NSUN4: variants seen among roughly 807,000 people sequenced by gnomAD.
NSUN4 encodes 5-cytosine rRNA methyltransferase NSUN4.
Under a neutral mutation model 43.8 loss-of-function variants are expected in NSUN4, and 31 were observed. The observed-to-expected ratio is 0.71, with a 90% CI of 0.53 to 0.96. The LOEUF (loss-of-function observed/expected upper bound fraction) is 0.96, where lower values mean the gene tolerates loss of function less well. NSUN4 is among the 40% of genes least tolerant of loss of function. The pLI is 0.00. For synonymous variants in NSUN4, 167 were observed against 184.1 expected (o/e 0.91, Z 0.75); for missense variants, 439 against 475.6 (o/e 0.92, Z 0.72).
chr1:46,379,635 C>G, the NSUN4 span, among the ~76,000 whole-genome samples: 1 of 152,048 alleles, frequency 6.6e-6, no homozygotes, highest in African/African-American at 2.4e-5. Context: ...AACCAACCAA[C>G]CAAACAACAA....
intron 1 of NSUN4, chr1:46,343,878 C>T: frequency 5.0e-6 from 2 of 400,076 alleles, no homozygotes. Flanking sequence ...CCCAACATAG[C>T]AGGAGCCAGA....
At chr1:46,366,348 G>T (rs1388242354), downstream of NSUN4, among the ~76,000 whole-genome samples, 5 of 152,106 alleles carry the variant, frequency 3.3e-5, no homozygotes, top group African/African-American at 9.7e-5. Context: ...GAGGTAGGGG[G>T]ATAGGATGGG....
rs751090713 is a variant in NSUN4, at chr1:46,360,773, C to T, written c.823C>T (p.Arg275Trp). 6.8e-6 allele frequency: 11 copies of T among 1,613,922 alleles called. No individual in the cohort carries two copies. Among genetic ancestry groups the T allele is most frequent in the African/African-American group, 2.7e-5 (2 of 75,046 alleles). Residue 275 changes from arginine to tryptophan, a missense_variant, in exon 5 of 6, where the codon CGG becomes TGG. Coordinates refer to ENST00000474844, the MANE Select transcript of NSUN4 (RefSeq NM_199044.4). Reference sequence around the variant, plus strand: ...TGAGGAGGAGAACAACATCTTTAAGCGGTCAAGGAAGAAGGAGCGACAGAT... The same window carrying T: ...TGAGGAGGAGAACAACATCTTTAAGTGGTCAAGGAAGAAGGAGCGACAGAT... ...LHEEENNIFK[R>W]SRKKERQILP... is the part of the protein sequence containing the mutation.
At position 46,345,019 on chromosome 1, in the gene NSUN4, C is replaced by T. The variant is rs1662385121; in HGVS notation, c.312C>T (p.Ser104=). 2 of 1,614,048 alleles carry T rather than the reference C, an allele frequency of 1.2e-6. No individual in the cohort carries two copies. The highest frequency in any genetic ancestry group is 1.1e-5 in the South Asian group (1 of 91,094). The stretch of plus-strand genomic sequence containing the variant: ...AGGATTTTGTGAATGAAGCCATCTC[C>T]CACTGGGAACTGCAGTCTGAGGGTG... The part of the protein sequence containing the change: ...SAKDFVNEAI[S]HWELQSEGGQ... Residue 104 remains serine (S), a synonymous_variant, in exon 2 of 6, where the codon TCC becomes TCT. Transcript: ENST00000474844.
intron 3 of NSUN4, among the ~76,000 whole-genome samples, chr1:46,351,785 C>T (rs1013442828): frequency 1.3e-5 from 2 of 151,154 alleles, no homozygotes; most frequent in Non-Finnish European, 2.9e-5. Flanking sequence ...CTGCCTCAGC[C>T]TCCCGAGTAG....
chr1:46,362,662 C>A lies in NSUN4; in HGVS notation c.*816C>A, dbSNP rs1181345856. ...GTGGGAGATTACTGGGCTTCCTCAT[C>A]CTTTAGAATGGTAACTCTCCTTTTG... On this transcript the variant is annotated 3_prime_UTR_variant, in exon 6 of 6. Transcript: ENST00000474844. The A allele has an allele frequency of 1.3e-5, 2 of 152,164 alleles. No homozygotes were observed. The highest frequency in any genetic ancestry group is 2.9e-5 in the Non-Finnish European group (2 of 68,040). The allele number at this position is 152,164 out of a possible 1,614,324, so 9.4% of individuals were successfully genotyped here.
chr1:46,349,725 G>A (rs1662842342), intron 3 of NSUN4, among the ~76,000 whole-genome samples: 1 of 152,220 alleles, frequency 6.6e-6, no homozygotes, highest in African/African-American at 2.4e-5. Context: ...CCTTCTGGAA[G>A]TCCAGAGGGA....
At chr1:46,360,878 A>AGACTGGGG in intron 5 of NSUN4, 50 bp downstream of exon 5, 2 of 1,604,178 alleles carry the variant, frequency 1.2e-6, no homozygotes, top group Non-Finnish European at 1.7e-6. Context: ...GTGCTCTGGG[A>AGACTGGGG]GACTGGGGGA....
rs116222578 is a variant in NSUN4, at chr1:46,361,000, A to G, written c.878+172A>G. Among the ~76,000 whole-genome samples, 805 of 152,276 alleles carry G rather than the reference A, an allele frequency of 5.3e-3. 9 individuals carry two copies. The highest frequency in any genetic ancestry group is 0.018 in the African/African-American group (765 of 41,550). ...GGAACATAAAAACCCTATTTGAATT[A>G]GCTGGGTGTGGAGATGCACACCTGT... On this transcript the variant is annotated intron_variant, in intron 5 of 5. Transcript: ENST00000474844.
At chr1:46,348,709 CAAAAAAAAAAAAAA>C (rs34999763) in intron 3 of NSUN4, among the ~76,000 whole-genome samples, 9 of 52,140 alleles carry the variant, frequency 1.7e-4, no homozygotes, top group African/African-American at 6.4e-4. Flanking sequence ...AACTCTGTCT[CAAAAAAAAAAAAAA>C]AAAAAAAAAA....
the NSUN4 span, among the ~76,000 whole-genome samples, chr1:46,373,998 G>A: frequency 1.3e-5 from 2 of 152,080 alleles, no homozygotes; most frequent in Non-Finnish European, 2.9e-5. Flanking sequence ...ATAATTTTAA[G>A]AGATCTAGCC....
rs1416502557 is a variant in NSUN4 at position 46,363,171 on chromosome 1, T to C, written c.*1325T>C. ...GTGTCAGTTGAGGAGGGACTTTAGCTGAGGTTAAGCCTTCTTTTGGGATTT... is the reference window on the plus strand; with the variant it reads ...GTGTCAGTTGAGGAGGGACTTTAGCCGAGGTTAAGCCTTCTTTTGGGATTT... On this transcript the variant is annotated 3_prime_UTR_variant, in exon 6 of 6. Coordinates refer to ENST00000474844, the MANE Select transcript of NSUN4 (RefSeq NM_199044.4). 6.6e-6 allele frequency: 1 copy of C among 152,194 alleles called. No individual in the cohort carries two copies. The highest frequency in any genetic ancestry group is 2.4e-5 in the African/African-American group (1 of 41,434). 9.4% of individuals were successfully genotyped at this position (152,194 alleles called of 1,614,324 possible).
the NSUN4 span, among the ~76,000 whole-genome samples, chr1:46,381,151 C>T: frequency 6.6e-6 from 1 of 152,176 alleles, no homozygotes; most frequent in Admixed American, 6.5e-5. Flanking sequence ...GTCCAAGGGC[C>T]CAGAATCCAA....
At chr1:46,353,600 C>T (rs1303570858) in intron 4 of NSUN4, among the ~76,000 whole-genome samples, 5 of 152,088 alleles carry the variant, frequency 3.3e-5, no homozygotes, top group Admixed American at 6.6e-5. Flanking sequence ...CTCAGCCTCC[C>T]GAGTAGCTGG....
At chr1:46,349,341 C>T (rs5013328) in intron 3 of NSUN4, among the ~76,000 whole-genome samples, 39,428 of 151,538 alleles carry the variant, frequency 0.26, 5,379 homozygotes, top group East Asian at 0.33. Context: ...AGGGTTTCAC[C>T]GTGTTAGCCA....
At chr1:46,352,745 T>C (rs77185326) in intron 3 of NSUN4, 123 bp from the exon 4 acceptor site, 207,422 of 891,136 alleles carry the variant, frequency 0.23, 27,045 homozygotes, top group Non-Finnish European at 0.28. Flanking sequence ...ACATAATAAA[T>C]GTTCCTGATG....
chr1:46,360,933 G>C, intron 5 of NSUN4, 105 bp downstream of exon 5: 1 of 1,284,332 alleles, frequency 7.8e-7, no homozygotes, highest in Non-Finnish European at 1.1e-6. Context: ...GAATCTTATG[G>C]CTGGAGATCT....
chr1:46,342,569 C>T (rs1662190157), intron 1 of NSUN4: 1 of 399,440 alleles, frequency 2.5e-6, no homozygotes, highest in African/African-American at 2.1e-5. Flanking sequence ...ACTCTTACCT[C>T]ATCCTAACCC....
intron 1 of NSUN4, chr1:46,342,083 T>C (rs1662155370): frequency 1.7e-6 from 1 of 596,840 alleles, no homozygotes; most frequent in Non-Finnish European, 2.5e-6. Context: ...CGATTTCACC[T>C]CCTCTTGCTC....
Sources: gnomAD v4.1 joint callset for allele counts (sites outside exome capture counted in the v4.1 genomes callset) on GRCh38, gnomAD v4.1.1 for gene constraint, MANE v1.5 for transcripts, NCBI Gene and HGNC (gene_info 2026-07-23, HGNC 2026-07-21) for gene names.